Variants in ADGRV1 observed in about 807,000 individuals in gnomAD.
The protein encoded by ADGRV1 is G-protein coupled receptor 98.
Under a neutral mutation model 596.2 loss-of-function variants are expected in ADGRV1, and 359 were observed. That is an observed-to-expected ratio of 0.60 (90% CI 0.55 to 0.66). The LOEUF (loss-of-function observed/expected upper bound fraction) is 0.66. ADGRV1 is among the 30% of genes least tolerant of loss of function. ADGRV1 has a pLI of 0.00. For missense variants in ADGRV1, 7,274 were observed against 7,575.6 expected (o/e 0.96, Z 1.48); for synonymous variants, 2,681 against 2,679.2 (o/e 1.00, Z -0.02).
At chr5:90,582,277 C>T (rs1422562337) in intron 1 of ADGRV1, among the ~76,000 whole-genome samples, 1 of 152,104 alleles carries the variant, frequency 6.6e-6, no homozygotes, top group African/African-American at 2.4e-5. Context: ...CTGTCTAACA[C>T]TGTCAGTGGA....
intron 85 of ADGRV1, among the ~76,000 whole-genome samples, chr5:91,052,541 T>A (rs774641001): frequency 6.6e-6 from 1 of 151,950 alleles, no homozygotes; most frequent in Non-Finnish European, 1.5e-5. Context: ...CTCAAATGAT[T>A]ATCGTGCCTC....
chr5:90,992,856 C>T (rs960991769), intron 85 of ADGRV1, among the ~76,000 whole-genome samples: 1 of 152,012 alleles, frequency 6.6e-6, no homozygotes, highest in Non-Finnish European at 1.5e-5. Flanking sequence ...TGTTTTATGT[C>T]AATTCTTTTT....
chr5:90,693,821 A>T, intron 32 of ADGRV1, 69 bp from the exon 33 acceptor site: 84 of 1,030,776 alleles, frequency 8.1e-5, no homozygotes, highest in Non-Finnish European at 1.1e-4. Context: ...CACAGTCAGC[A>T]TTCCTCTTCT....
chr5:90,831,846 G>A (rs1288464684), intron 77 of ADGRV1, among the ~76,000 whole-genome samples: 1 of 152,068 alleles, frequency 6.6e-6, no homozygotes, highest in Non-Finnish European at 1.5e-5. Flanking sequence ...TTCTCTGCGT[G>A]GCCTATTTCA....
chr5:90,565,131 G>T (rs1314457884), intron 1 of ADGRV1, among the ~76,000 whole-genome samples: 1 of 152,048 alleles, frequency 6.6e-6, no homozygotes, highest in East Asian at 1.9e-4. Context: ...CAACTACTTG[G>T]GAGGCTGAGT....
chr5:90,968,453 G>T (rs1274549394), intron 84 of ADGRV1, among the ~76,000 whole-genome samples: 3 of 152,164 alleles, frequency 2.0e-5, no homozygotes, highest in East Asian at 3.9e-4. Flanking sequence ...ATATGATTGT[G>T]CCTGATTCAC....
intron 22 of ADGRV1, 56 bp from the exon 23 acceptor site, chr5:90,673,998 G>A: frequency 1.6e-6 from 2 of 1,280,088 alleles, no homozygotes; most frequent in Non-Finnish European, 2.2e-6. Context: ...TTTTCTTCTA[G>A]TAAGTAATTT....
chr5:90,559,169 T>G (rs1754482186), intron 1 of ADGRV1, among the ~76,000 whole-genome samples: 1 of 152,124 alleles, frequency 6.6e-6, no homozygotes, highest in Non-Finnish European at 1.5e-5. Flanking sequence ...ACCCGCCCTT[T>G]CCAAAGATGT....
At chr5:90,747,160 G>A (rs974810287) in intron 52 of ADGRV1, among the ~76,000 whole-genome samples, 4 of 152,154 alleles carry the variant, frequency 2.6e-5, no homozygotes, top group Admixed American at 2.6e-4. Context: ...TGGGGGATGA[G>A]GGTGTGAGCT....
chr5:90,968,125 G>A (rs1371389457), intron 84 of ADGRV1, among the ~76,000 whole-genome samples: 2 of 152,164 alleles, frequency 1.3e-5, no homozygotes, highest in Non-Finnish European at 2.9e-5. Flanking sequence ...ACAAATACCG[G>A]AAGGGCTACT....
intron 52 of ADGRV1, among the ~76,000 whole-genome samples, chr5:90,750,303 G>T (rs1251801938): frequency 6.6e-6 from 1 of 152,140 alleles, no homozygotes; most frequent in Non-Finnish European, 1.5e-5. Flanking sequence ...TATAGAAACA[G>T]AAACATAAAA....
intron 85 of ADGRV1, among the ~76,000 whole-genome samples, chr5:91,000,737 T>C (rs1427296771): frequency 6.6e-6 from 1 of 150,776 alleles, no homozygotes; most frequent in African/African-American, 2.5e-5. Context: ...AAGGAATGGC[T>C]CACACTGTCA....
intron 83 of ADGRV1, among the ~76,000 whole-genome samples, chr5:90,907,087 G>A (rs1382065240): frequency 6.6e-6 from 1 of 152,030 alleles, no homozygotes; most frequent in Non-Finnish European, 1.5e-5. Flanking sequence ...CTCAGGAATA[G>A]TTTAAATTAA....
At chr5:91,119,812 A>G (rs1793154191) in intron 87 of ADGRV1, among the ~76,000 whole-genome samples, 2 of 152,210 alleles carry the variant, frequency 1.3e-5, no homozygotes, top group South Asian at 4.1e-4. Context: ...CAATTATAGA[A>G]GTTATAGATC....
chr5:91,118,332 G>C (rs568156039), intron 87 of ADGRV1, among the ~76,000 whole-genome samples: 3 of 151,766 alleles, frequency 2.0e-5, no homozygotes, highest in Non-Finnish European at 4.4e-5. Flanking sequence ...TTTGTGCCAC[G>C]CTATTATGGG....
chr5:90,967,400 A>T (rs1018701056), intron 84 of ADGRV1, among the ~76,000 whole-genome samples: 3 of 152,236 alleles, frequency 2.0e-5, no homozygotes, highest in African/African-American at 7.2e-5. Context: ...AATAAAAGTG[A>T]ATTTAAACCA....
chr5:90,981,713 G>A (rs1780091757), intron 84 of ADGRV1, among the ~76,000 whole-genome samples: 2 of 152,074 alleles, frequency 1.3e-5, no homozygotes, highest in African/African-American at 4.8e-5. Flanking sequence ...GTTATAAAAT[G>A]AATGAATAAG....
intron 85 of ADGRV1, among the ~76,000 whole-genome samples, chr5:90,999,356 A>G (rs1445398016): frequency 1.3e-5 from 2 of 152,036 alleles, no homozygotes; most frequent in East Asian, 3.9e-4. Context: ...GAACATTTAA[A>G]GTTATGTTTA....
chr5:90,568,600 G>A (rs1160017996), intron 1 of ADGRV1, among the ~76,000 whole-genome samples: 2 of 152,110 alleles, frequency 1.3e-5, no homozygotes, highest in Non-Finnish European at 1.5e-5. Flanking sequence ...GTGGGGTGAA[G>A]TGTTCTATAG....
Sources: allele counts gnomAD v4.1 joint callset (sites outside exome capture counted in the v4.1 genomes callset), GRCh38; gene constraint gnomAD v4.1.1; transcripts MANE v1.5; gene names NCBI Gene and HGNC (gene_info 2026-07-23, HGNC 2026-07-21).